Variants in CACNA1A observed in about 807,000 individuals in gnomAD.
The protein encoded by CACNA1A is calcium voltage-gated channel subunit alpha1 A, also known as voltage-dependent P/Q-type calcium channel subunit alpha-1A.
In CACNA1A, 57 loss-of-function variants were observed where a neutral mutation model predicts 262.4. The observed-to-expected ratio is 0.22, with a 90% CI of 0.18 to 0.27. The LOEUF is 0.27. Ranked by LOEUF, CACNA1A falls within the 10% of genes least tolerant of loss-of-function variation. The pLI is 1.00. For synonymous variants in CACNA1A, 1,431 were observed against 1,419.3 expected (o/e 1.01, Z -0.18); for missense variants, 2,526 against 3,562.8 (o/e 0.71, Z 7.41).
chr19:13,296,073 A>C (rs1286697710), intron 19 of CACNA1A, among the ~76,000 whole-genome samples: 1 of 152,186 alleles, frequency 6.6e-6, no homozygotes. Flanking sequence ...TATGGTGTAC[A>C]TATCAGAATT....
At position 13,317,160 on chromosome 19, in the gene CACNA1A, C is replaced by G; in HGVS notation, c.1507G>C (p.Val503Leu). Residue 503 changes from valine to leucine, a missense_variant, in exon 11 of 47, where the codon GTT becomes CTT. Physicochemically the swap from Val to Leu is conservative, Grantham distance 32. Coordinates refer to ENST00000360228, the MANE Select transcript of CACNA1A (RefSeq NM_001127222.2). ...LSLVALNTLC[V>L]AIVHYNQPEW... is the part of the protein sequence containing the mutation. ...GGCTGGTTGTAGTGAACAATAGCAA[C>G]ACACAGCGTGTTGAGAGCTACCAAA... is the stretch of plus-strand genomic sequence containing the variant. The G allele has an allele frequency of 6.2e-7, 1 of 1,613,126 alleles. No homozygotes were observed. Among genetic ancestry groups the G allele is most frequent in the Non-Finnish European group, 8.5e-7 (1 of 1,179,244 alleles).
chr19:13,493,131 C>T (rs891817246), intron 1 of CACNA1A, among the ~76,000 whole-genome samples: 2 of 152,184 alleles, frequency 1.3e-5, no homozygotes, highest in African/African-American at 4.8e-5. Context: ...TTTACATCAA[C>T]GAATCTGTCG....
At chr19:13,403,387 A>C (rs890683465) in intron 3 of CACNA1A, among the ~76,000 whole-genome samples, 3 of 152,142 alleles carry the variant, frequency 2.0e-5, no homozygotes, top group Non-Finnish European at 4.4e-5. Flanking sequence ...TAGATAAAGA[A>C]AGACAGGTTC....
At chr19:13,220,281 A>C (rs1247775425) in intron 38 of CACNA1A, among the ~76,000 whole-genome samples, 1 of 151,908 alleles carries the variant, frequency 6.6e-6, no homozygotes, top group Non-Finnish European at 1.5e-5. Flanking sequence ...AAAAAATATC[A>C]AGTCAGCTGA....
chr19:13,321,044 T>C (rs1178527196), intron 10 of CACNA1A, among the ~76,000 whole-genome samples: 3 of 150,776 alleles, frequency 2.0e-5, no homozygotes, highest in Non-Finnish European at 4.4e-5. Flanking sequence ...TTTTTTTCTT[T>C]TTTTTTTGAG....
At position 13,224,838 on chromosome 19, in the gene CACNA1A, G is replaced by A. The variant is rs2055376165; in HGVS notation, c.5626-66C>T. On this transcript the variant is annotated intron_variant, in intron 37 of 46. Coordinates refer to ENST00000360228, the MANE Select transcript of CACNA1A (RefSeq NM_001127222.2). ...CCCTCCTGGGTCTCCCGTGAGCCGC[G>A]CCCGCCCCTACCCAGGGAGTCCCAG... The A allele has an allele frequency of 3.9e-5, 46 of 1,169,794 alleles. No homozygotes were observed. The South Asian group carries it at 5.7e-4, about 14-fold the overall frequency. The allele number at this position is 1,169,794 out of a possible 1,614,324, so 72.5% of individuals were successfully genotyped here.
chr19:13,365,231 AAAG>A, intron 5 of CACNA1A, 83 bp downstream of exon 5: 2 of 1,224,042 alleles, frequency 1.6e-6, no homozygotes, highest in Non-Finnish European at 2.3e-6. Context: ...CTGCCAGGAG[AAAG>A]AAGCACACCC....
Position 13,410,437 on chromosome 19 carries a change from G to T in CACNA1A, c.540-38658C>A, listed in dbSNP as rs142275274. ...TGTAGAGATGGGGTCTCACTATGTT[G>T]TCCAGGCTAGTCTCAAATTCCCGAG... On this transcript the variant is annotated intron_variant, in intron 3 of 46. Coordinates refer to ENST00000360228, the MANE Select transcript of CACNA1A (RefSeq NM_001127222.2). 1.0e-3 allele frequency among the ~76,000 whole-genome samples: 154 copies of T among 151,316 alleles called. No individual in the cohort carries two copies. The East Asian group carries it at 0.012, about 12-fold the overall frequency.
intron 44 of CACNA1A, 53 bp from the exon 45 acceptor site, chr19:13,209,551 T>C: frequency 2.4e-6 from 3 of 1,225,588 alleles, no homozygotes; most frequent in Middle Eastern, 3.0e-4. Context: ...CACCAAGTGG[T>C]CCCGGTCCTT....
At chr19:13,325,657 A>G (rs1439441821) in intron 10 of CACNA1A, among the ~76,000 whole-genome samples, 1 of 150,974 alleles carries the variant, frequency 6.6e-6, no homozygotes, top group African/African-American at 2.4e-5. Flanking sequence ...CTGGTCTCAA[A>G]CTCCTGGCCT....
Position 13,433,460 on chromosome 19 carries a change from C to CAAAAAAAAA in CACNA1A, c.539+19407_539+19415dup, listed in dbSNP as rs533297364. ...TCGGCAACAAAGCAAGACGCTGTCTCAAAAAAAAAAAAAAAAAAAAAAAGT... is the reference window on the plus strand; with the variant it reads ...TCGGCAACAAAGCAAGACGCTGTCTCAAAAAAAAAAAAAAAAAAAAAAAAAAAAAAAAGT... On this transcript the variant is annotated intron_variant, in intron 3 of 46. Transcript: ENST00000360228. Among the ~76,000 whole-genome samples the CAAAAAAAAA allele has an allele frequency of 2.0e-3, 149 of 76,184 alleles. 4 individuals are homozygous for CAAAAAAAAA. Among genetic ancestry groups the CAAAAAAAAA allele is most frequent in the South Asian group, 4.3e-3 (6 of 1,400 alleles). The allele number at this position is 76,184 out of a possible 152,430, so 50.0% of individuals were successfully genotyped here.
intron 38 of CACNA1A, among the ~76,000 whole-genome samples, chr19:13,220,137 T>C (rs2055170425): frequency 6.6e-6 from 1 of 152,006 alleles, no homozygotes; most frequent in African/African-American, 2.4e-5. Context: ...GGTGGGCACC[T>C]GTAATCTCAG....
intron 1 of CACNA1A, 151 bp downstream of exon 1, chr19:13,505,781 C>T (rs1298201173): frequency 1.7e-5 from 12 of 721,108 alleles, no homozygotes; most frequent in Non-Finnish European, 2.3e-5. Context: ...TTCTTTCACA[C>T]TCCTCCCGGT....
intron 3 of CACNA1A, among the ~76,000 whole-genome samples, chr19:13,382,010 TGAG>T (rs1478603096): frequency 6.6e-6 from 1 of 151,940 alleles, no homozygotes; most frequent in East Asian, 1.9e-4. Context: ...GCTGGGAGAT[TGAG>T]GAGGAGGCAA....
rs746111884 is a variant in CACNA1A at position 13,212,117 on chromosome 19, G to T, written c.6289C>A (p.Pro2097Thr). 2 of 1,611,382 alleles carry T rather than the reference G, an allele frequency of 1.2e-6. No homozygotes were observed. The highest frequency in any genetic ancestry group is 1.7e-6 in the Non-Finnish European group (2 of 1,178,014). Residue 2097 changes from proline to threonine, a missense_variant, in exon 43 of 47, where the codon CCT (proline) becomes ACT (threonine). Pro to Thr is a conservative substitution (Grantham distance 38, BLOSUM62 -1). This residue lies in a region of CACNA1A where 929 missense variants were observed against 868.1 expected (regional missense o/e 1.07). Transcript: ENST00000360228. The surrounding 1 kb of genome is among the most constrained non-coding windows in gnomAD (Gnocchi z 5.6). ...QGRAASMPRLPAENQRRRGRP... is the reference protein window; with the variant it reads ...QGRAASMPRLTAENQRRRGRP... ...AAAGCCCTCACCTGGTTCTCTGCAG[G>T]GAGGCGGGGCATGGAGGCAGCCCGG...
chr19:13,392,403 C>T (rs2059726072), intron 3 of CACNA1A, among the ~76,000 whole-genome samples: 2 of 152,062 alleles, frequency 1.3e-5, no homozygotes, highest in Non-Finnish European at 2.9e-5. Context: ...GTGACTTGGG[C>T]AGGTGGAGGC....
intron 46 of CACNA1A, 140 bp downstream of exon 46, chr19:13,208,612 CGGTG>C: frequency 9.3e-7 from 1 of 1,075,510 alleles, no homozygotes; most frequent in East Asian, 2.7e-5. Flanking sequence ...CCGGGCACCC[CGGTG>C]GCTTGGGGGC....
intron 11 of CACNA1A, 28 bp from the exon 12 acceptor site, chr19:13,312,809 G>C: frequency 7.9e-7 from 1 of 1,262,592 alleles, no homozygotes; most frequent in Non-Finnish European, 1.1e-6. Context: ...GAAACAGAGA[G>C]GAGGTTAGGC....
At chr19:13,371,822 G>T in intron 3 of CACNA1A, 43 bp from the exon 4 acceptor site, 1 of 1,443,404 alleles carries the variant, frequency 6.9e-7, no homozygotes, top group Non-Finnish European at 9.5e-7. Flanking sequence ...GGTGGGTTTT[G>T]GGGGTCAGAC....
Sources: gnomAD v4.1 joint callset for allele counts (sites outside exome capture counted in the v4.1 genomes callset) on GRCh38, gnomAD v4.1.1 for gene constraint, gnomAD v4.1.1 regional missense constraint, Gnocchi (gnomAD v3.1) non-coding constraint, MANE v1.5 for transcripts, NCBI Gene and HGNC (gene_info 2026-07-23, HGNC 2026-07-21) for gene names.